Variants in ASIC2 observed in about 807,000 individuals in gnomAD.
ASIC2 encodes acid-sensing ion channel 2.
ASIC2 carries 25 observed loss-of-function variants against 57.3 expected under a neutral mutation model. The observed-to-expected ratio is 0.44, with a 90% CI of 0.32 to 0.61. The LOEUF is 0.61. Ranked by LOEUF, ASIC2 falls within the 20% of genes least tolerant of loss-of-function variation. ASIC2 has a pLI of 0.06. For missense variants in ASIC2, 641 were observed against 738.1 expected (o/e 0.87, Z 1.52); for synonymous variants, 319 against 307.5 (o/e 1.04, Z -0.39).
At chr17:33,835,262 C>T (rs1597896001) in intron 1 of ASIC2, among the ~76,000 whole-genome samples, 1 of 152,220 alleles carries the variant, frequency 6.6e-6, no homozygotes. Context: ...TGGTTAAAGG[C>T]AGTTAATTGC....
intron 1 of ASIC2, among the ~76,000 whole-genome samples, chr17:34,127,568 T>C (rs1423005506): frequency 6.6e-6 from 1 of 152,136 alleles, no homozygotes; most frequent in Non-Finnish European, 1.5e-5. Flanking sequence ...TCTCTACGTA[T>C]AGGTAGCAGA....
rs141755291 is a variant in ASIC2 at position 33,585,669 on chromosome 17, A to G, written c.556-473602T>C. 3.0e-3 allele frequency among the ~76,000 whole-genome samples: 453 copies of G among 152,284 alleles called. 5 individuals are homozygous for G. Among genetic ancestry groups the G allele is most frequent in the African/African-American group, 9.1e-3 (378 of 41,560 alleles). ...GTGTAATGCTGCAGGGAATATAAATAAGACAGAAGGAATCAGCTAACAGAT... is the reference window on the plus strand; with the variant it reads ...GTGTAATGCTGCAGGGAATATAAATGAGACAGAAGGAATCAGCTAACAGAT... On this transcript the variant is annotated intron_variant, in intron 1 of 9. Transcript: ENST00000359872.
At chr17:33,919,420 G>C (rs1170288788) in intron 1 of ASIC2, among the ~76,000 whole-genome samples, 2 of 152,126 alleles carry the variant, frequency 1.3e-5, no homozygotes, top group Admixed American at 6.6e-5. Context: ...ACGGGGAAAG[G>C]ACCTTTTATT....
At chr17:33,893,550 G>A (rs1355698146) in intron 1 of ASIC2, among the ~76,000 whole-genome samples, 1 of 152,196 alleles carries the variant, frequency 6.6e-6, no homozygotes, top group East Asian at 1.9e-4. Context: ...GTTTCGTCCA[G>A]GATTCCTGGG....
At chr17:33,357,411 G>A (rs1908427480) in intron 1 of ASIC2, among the ~76,000 whole-genome samples, 1 of 152,138 alleles carries the variant, frequency 6.6e-6, no homozygotes, top group Admixed American at 6.5e-5. Context: ...TGCAACAACT[G>A]GCCAGACTTA....
At chr17:33,604,882 G>A (rs1409660995) in intron 1 of ASIC2, among the ~76,000 whole-genome samples, 1 of 152,170 alleles carries the variant, frequency 6.6e-6, no homozygotes, top group East Asian at 1.9e-4. Flanking sequence ...GGCTCAGAAG[G>A]AGGAATTAGG....
At chr17:33,032,241 A>T (rs1006059794) in intron 3 of ASIC2, among the ~76,000 whole-genome samples, 36 of 151,838 alleles carry the variant, frequency 2.4e-4, no homozygotes, top group African/African-American at 8.7e-4. Context: ...TTAGTAGTTC[A>T]TTCTGTTTTC....
At chr17:34,069,068 C>T (rs1192366889) in intron 1 of ASIC2, among the ~76,000 whole-genome samples, 5 of 152,196 alleles carry the variant, frequency 3.3e-5, no homozygotes, top group Admixed American at 6.5e-5. Context: ...CTACTCCTAC[C>T]CCTCTGAACT....
chr17:33,029,535 T>C (rs539384194), intron 3 of ASIC2, among the ~76,000 whole-genome samples: 5 of 152,276 alleles, frequency 3.3e-5, no homozygotes, highest in Non-Finnish European at 7.3e-5. Flanking sequence ...ACTCACTTGA[T>C]GATGGGCATT....
At chr17:33,438,688 T>C (rs11080222) in intron 1 of ASIC2, among the ~76,000 whole-genome samples, 52,649 of 151,590 alleles carry the variant, frequency 0.35, 9,164 homozygotes, top group Middle Eastern at 0.44. Context: ...AAGAGACTAT[T>C]CTTCACTATA....
intron 1 of ASIC2, among the ~76,000 whole-genome samples, chr17:33,131,166 G>A (rs1249897946): frequency 1.3e-5 from 2 of 152,162 alleles, no homozygotes; most frequent in Non-Finnish European, 2.9e-5. Context: ...GAACGGGATA[G>A]GACTTGAAGA....
chr17:33,201,499 A>T (rs958432098), intron 1 of ASIC2, among the ~76,000 whole-genome samples: 3 of 152,220 alleles, frequency 2.0e-5, no homozygotes, highest in Non-Finnish European at 2.9e-5. Context: ...TACTGTTGCC[A>T]TGGCAACATC....
At chr17:33,475,029 T>C (rs189919014) in intron 1 of ASIC2, among the ~76,000 whole-genome samples, 3 of 152,200 alleles carry the variant, frequency 2.0e-5, no homozygotes, top group African/African-American at 7.2e-5. Flanking sequence ...CTCTCCTACC[T>C]CCACCAATGC....
chr17:33,358,453 G>C lies in ASIC2; in HGVS notation c.556-246386C>G, dbSNP rs575380066. On this transcript the variant is annotated intron_variant, in intron 1 of 9. Coordinates refer to the ASIC2 transcript ENST00000359872. ...TTAGAGTCCCTTGTGACATGGACAT[G>C]AGAGAACAAATATTATCATTCATTC... Among the ~76,000 whole-genome samples, 35 of 152,316 alleles carry C rather than the reference G, an allele frequency of 2.3e-4. No homozygotes were observed. The South Asian group carries it at 7.1e-3, about 31-fold the overall frequency.
intron 2 of ASIC2, among the ~76,000 whole-genome samples, chr17:33,106,090 G>C (rs2092233253): frequency 6.6e-6 from 1 of 152,136 alleles, no homozygotes; most frequent in South Asian, 2.1e-4. Context: ...GTGGATATGT[G>C]AGCAAGGAGA....
chr17:33,831,268 A>G (rs1278432865), intron 1 of ASIC2, among the ~76,000 whole-genome samples: 2 of 152,024 alleles, frequency 1.3e-5, no homozygotes, highest in African/African-American at 4.8e-5. Context: ...CTGCTCATAC[A>G]TATCCCATTA....
intron 1 of ASIC2, among the ~76,000 whole-genome samples, chr17:33,501,846 G>A (rs1597754094): frequency 1.3e-5 from 2 of 152,212 alleles, no homozygotes; most frequent in East Asian, 1.9e-4. Flanking sequence ...GGCTTTGTCT[G>A]TATAGTTGTG....
At chr17:33,042,356 A>T (rs1448046471) in intron 3 of ASIC2, among the ~76,000 whole-genome samples, 2 of 152,210 alleles carry the variant, frequency 1.3e-5, no homozygotes, top group Non-Finnish European at 2.9e-5. Context: ...TGGAGCAATA[A>T]CACCTGCCAG....
intron 1 of ASIC2, among the ~76,000 whole-genome samples, chr17:33,711,098 G>A (rs1909019821): frequency 2.0e-5 from 3 of 152,106 alleles, no homozygotes; most frequent in Admixed American, 6.5e-5. Flanking sequence ...TTACAGGTGT[G>A]AGCCAACACA....
Sources: allele counts gnomAD v4.1 joint callset (sites outside exome capture counted in the v4.1 genomes callset), GRCh38; gene constraint gnomAD v4.1.1; transcripts MANE v1.5; gene names NCBI Gene and HGNC (gene_info 2026-07-23, HGNC 2026-07-21).